The following TRABD2B variants were observed in gnomAD, a reference collection of about 807,000 sequenced individuals.
TRABD2B encodes metalloprotease TIKI2.
A neutral mutation model predicts 40.1 loss-of-function variants in TRABD2B; 14 were observed. That is an observed-to-expected ratio of 0.35 (90% confidence interval 0.23 to 0.55). The LOEUF is 0.55. TRABD2B is among the 20% of genes least tolerant of loss of function. The pLI, the probability that TRABD2B is intolerant of heterozygous loss-of-function variation, is 0.90. For missense variants in TRABD2B, 541 were observed against 648.6 expected (o/e 0.83, Z 1.80); for synonymous variants, 263 against 277.0 (o/e 0.95, Z 0.50).
chr1:47,767,570 C>T (rs1372826022), intron 6 of TRABD2B, among the ~76,000 whole-genome samples: 1 of 152,230 alleles, frequency 6.6e-6, no homozygotes, highest in Non-Finnish European at 1.5e-5. Context: ...GAAACTGAGG[C>T]ACAAAGCGGT....
chr1:47,843,926 G>C (rs903687061), intron 2 of TRABD2B, among the ~76,000 whole-genome samples: 1 of 152,178 alleles, frequency 6.6e-6, no homozygotes, highest in African/African-American at 2.4e-5. Context: ...GGAATGGCCA[G>C]GGCTGTGGAG....
At chr1:47,787,437 T>C (rs1346304455) in intron 4 of TRABD2B, among the ~76,000 whole-genome samples, 1 of 152,170 alleles carries the variant, frequency 6.6e-6, no homozygotes, top group African/African-American at 2.4e-5. Flanking sequence ...CCTCACGTCT[T>C]TGGCGTAACT....
chr1:47,828,530 T>C, intron 2 of TRABD2B, among the ~76,000 whole-genome samples: 1 of 152,172 alleles, frequency 6.6e-6, no homozygotes, highest in East Asian at 1.9e-4. Context: ...CTACGGTTTG[T>C]AGAACAAATA....
intron 2 of TRABD2B, among the ~76,000 whole-genome samples, chr1:47,946,298 G>C (rs1645259283): frequency 6.6e-6 from 1 of 152,158 alleles, no homozygotes; most frequent in South Asian, 2.1e-4. Context: ...TTCTTTATCA[G>C]ATATGTAATT....
At chr1:47,819,940 T>G (rs1489380338) in intron 2 of TRABD2B, 2 of 152,150 alleles carry the variant, frequency 1.3e-5, no homozygotes, top group Non-Finnish European at 2.9e-5. Context: ...AAAACAAATC[T>G]GCCCCACTTG....
intron 2 of TRABD2B, among the ~76,000 whole-genome samples, chr1:47,863,898 T>C (rs572831236): frequency 6.6e-6 from 1 of 152,290 alleles, no homozygotes; most frequent in East Asian, 1.9e-4. Flanking sequence ...ATCTAGCCAA[T>C]GGACTATTAC....
intron 3 of TRABD2B, among the ~76,000 whole-genome samples, chr1:47,797,755 G>A (rs766212810): frequency 2.6e-5 from 4 of 152,144 alleles, no homozygotes; most frequent in Non-Finnish European, 4.4e-5. Flanking sequence ...GCAAATTAAT[G>A]ATGTCATTAG....
intron 2 of TRABD2B, among the ~76,000 whole-genome samples, chr1:47,976,412 T>C (rs1038573880): frequency 6.6e-6 from 1 of 152,194 alleles, no homozygotes; most frequent in African/African-American, 2.4e-5. Flanking sequence ...TTGTGTACTT[T>C]GCATACTTGT....
In TRABD2B at chr1:47,837,083, T is replaced by C. The variant is rs148262851; in HGVS notation, c.667-35464A>G. On this transcript the variant is annotated intron_variant, in intron 2 of 6. Transcript: ENST00000606738. The stretch of plus-strand genomic sequence containing the variant: ...GAACTGAAATTCACTGGCCTTTTTG[T>C]CATCCAGAGAGAAGCCTAAAATCCT... 1.8e-3 allele frequency among the ~76,000 whole-genome samples: 269 copies of C among 152,334 alleles called. 6 individuals are homozygous for C. The highest frequency in any genetic ancestry group is 4.4e-3 in the East Asian group (23 of 5,178).
At chr1:47,981,497 T>C (rs763558595) in intron 2 of TRABD2B, among the ~76,000 whole-genome samples, 4 of 152,108 alleles carry the variant, frequency 2.6e-5, no homozygotes, top group African/African-American at 9.7e-5. Context: ...GAGACTGCCA[T>C]GAGGATTAAG....
intron 2 of TRABD2B, among the ~76,000 whole-genome samples, chr1:47,896,677 T>C (rs1464742656): frequency 2.6e-5 from 4 of 152,202 alleles, no homozygotes; most frequent in African/African-American, 4.8e-5. Flanking sequence ...GCTCACCCTC[T>C]CTGAGGTACC....
In TRABD2B at chr1:47,763,399, T is replaced by C. The variant is rs1361171000; in HGVS notation, c.*2503A>G. 3 of 151,994 alleles carry C rather than the reference T, an allele frequency of 2.0e-5. No individual in the cohort carries two copies. Among genetic ancestry groups the C allele is most frequent in the Admixed American group, 1.3e-4 (2 of 15,256 alleles). 9.4% of individuals were successfully genotyped at this position (151,994 alleles called of 1,614,324 possible). A position where few individuals can be genotyped will look rare whatever the true frequency, so the allele number is the denominator to read the frequency against. On this transcript the variant is annotated 3_prime_UTR_variant, in exon 7 of 7. Coordinates refer to ENST00000606738, the MANE Select transcript of TRABD2B (RefSeq NM_001194986.2). Reference sequence around the variant, plus strand: ...ACACTTGAATTAGGGTAAGGGAGAGTTTAGGATCCCCTAATATGCCCAGAG... The same window carrying C: ...ACACTTGAATTAGGGTAAGGGAGAGCTTAGGATCCCCTAATATGCCCAGAG...
In TRABD2B at chr1:47,808,240, G is replaced by C. The variant is rs770012450; in HGVS notation, c.667-6621C>G. On this transcript the variant is annotated intron_variant, in intron 2 of 6. Coordinates refer to ENST00000606738, the MANE Select transcript of TRABD2B (RefSeq NM_001194986.2). ...CAACTCTTCCCTGGATTTCCAGCCC[G>C]CTGGCCTGCCCTGCAAATTTTAGAC... Among the ~76,000 whole-genome samples, 43 of 152,210 alleles carry C rather than the reference G, an allele frequency of 2.8e-4. 1 individual carries two copies. Among genetic ancestry groups the C allele is most frequent in the Admixed American group, 1.6e-3 (24 of 15,292 alleles).
At chr1:47,766,460 G>A (rs1373026335) in intron 6 of TRABD2B, among the ~76,000 whole-genome samples, 1 of 152,192 alleles carries the variant, frequency 6.6e-6, no homozygotes, top group East Asian at 1.9e-4. Flanking sequence ...GTCAGTCATC[G>A]ACGTACACAG....
At chr1:47,932,746 C>T (rs1484415682) in intron 2 of TRABD2B, among the ~76,000 whole-genome samples, 1 of 152,132 alleles carries the variant, frequency 6.6e-6, no homozygotes, top group Non-Finnish European at 1.5e-5. Flanking sequence ...CAGTCCCAGC[C>T]CCACTATTTA....
At chr1:47,873,555 GACA>G (rs1455175252) in intron 2 of TRABD2B, among the ~76,000 whole-genome samples, 1 of 152,212 alleles carries the variant, frequency 6.6e-6, no homozygotes. Context: ...ACAGGACCAG[GACA>G]ACGAGGGAAG....
At chr1:47,837,927 C>T (rs559266129) in intron 2 of TRABD2B, among the ~76,000 whole-genome samples, 5 of 152,288 alleles carry the variant, frequency 3.3e-5, no homozygotes, top group African/African-American at 1.2e-4. Flanking sequence ...AAATTATGTG[C>T]TCAAGTCTAC....
chr1:47,961,335 T>C (rs1645512148), intron 2 of TRABD2B, among the ~76,000 whole-genome samples: 1 of 152,120 alleles, frequency 6.6e-6, no homozygotes, highest in Admixed American at 6.5e-5. Flanking sequence ...CCAAAAGCAA[T>C]GGCAACAAAA....
chr1:47,786,872 AT>A (rs1557566084), intron 4 of TRABD2B, among the ~76,000 whole-genome samples: 2 of 151,858 alleles, frequency 1.3e-5, no homozygotes, highest in East Asian at 3.9e-4. Flanking sequence ...TGACTGGCAA[AT>A]TTTTTTATTT....
Sources: gnomAD v4.1 joint callset for allele counts (sites outside exome capture counted in the v4.1 genomes callset) on GRCh38, gnomAD v4.1.1 for gene constraint, MANE v1.5 for transcripts, NCBI Gene and HGNC (gene_info 2026-07-23, HGNC 2026-07-21) for gene names.